Variants in MTCL2 observed in about 807,000 individuals in gnomAD.
The protein encoded by MTCL2 is microtubule cross-linking factor 2.
chr20:36,795,282 A>T, the MTCL2 span, among the ~76,000 whole-genome samples: 4 of 151,672 alleles, frequency 2.6e-5, no homozygotes, highest in African/African-American at 7.3e-5. Context: ...AGAGATGGGG[A>T]TCTCCCTATG....
chr20:36,819,232 G>A, the MTCL2 span, among the ~76,000 whole-genome samples: 1 of 152,150 alleles, frequency 6.6e-6, no homozygotes, highest in African/African-American at 2.4e-5. Context: ...TCCCAAGAGA[G>A]GAGGGGTGAT....
At chr20:36,783,463 C>T in the MTCL2 span, 1 of 152,266 alleles carries the variant, frequency 6.6e-6, no homozygotes, top group Non-Finnish European at 1.5e-5. Flanking sequence ...TTCCGCCAAC[C>T]AACTGATGCC....
At chr20:36,786,933 T>C in the MTCL2 span, among the ~76,000 whole-genome samples, 1 of 152,232 alleles carries the variant, frequency 6.6e-6, no homozygotes, top group Non-Finnish European at 1.5e-5. Flanking sequence ...CAGCTTATTT[T>C]GCAACTGTAA....
At chr20:36,818,346 G>T in the MTCL2 span, among the ~76,000 whole-genome samples, 1 of 152,242 alleles carries the variant, frequency 6.6e-6, no homozygotes, top group Admixed American at 6.5e-5. Context: ...GCCAAGACAG[G>T]AGGATTGCCT....
chr20:36,807,407 C>G, the MTCL2 span, among the ~76,000 whole-genome samples: 1 of 152,144 alleles, frequency 6.6e-6, no homozygotes, highest in Non-Finnish European at 1.5e-5. Flanking sequence ...AGAGGAGGGC[C>G]AAGCCTGGGC....
chr20:36,833,677 C>T, the MTCL2 span, among the ~76,000 whole-genome samples: 2 of 152,056 alleles, frequency 1.3e-5, no homozygotes, highest in Non-Finnish European at 2.9e-5. Flanking sequence ...AGGGAGACCC[C>T]CATCTCTATA....
chr20:36,854,627 A>G, the MTCL2 span, among the ~76,000 whole-genome samples: 1 of 152,010 alleles, frequency 6.6e-6, no homozygotes, highest in Admixed American at 6.6e-5. Flanking sequence ...AGGGTCAAGG[A>G]GAGGCGGGGA....
chr20:36,796,756 G>A, the MTCL2 span: 11 of 882,890 alleles, frequency 1.2e-5, no homozygotes, highest in Non-Finnish European at 1.8e-5. Context: ...CAGGAAGAGG[G>A]CAAAGGGGCG....
the MTCL2 span, among the ~76,000 whole-genome samples, chr20:36,837,883 A>G: frequency 6.6e-6 from 1 of 152,032 alleles, no homozygotes; most frequent in African/African-American, 2.4e-5. Flanking sequence ...AGCCCGCATT[A>G]TTTCATTTAA....
chr20:36,804,687 G>C, the MTCL2 span: 1 of 1,598,434 alleles, frequency 6.3e-7, no homozygotes, highest in Admixed American at 1.7e-5. Flanking sequence ...ACAGCTAAAG[G>C]CTTGGCTGAG....
chr20:36,855,548 T>C, the MTCL2 span, among the ~76,000 whole-genome samples: 2 of 152,194 alleles, frequency 1.3e-5, no homozygotes, highest in Non-Finnish European at 1.5e-5. Flanking sequence ...TGACCATGGA[T>C]GAGGTCATGC....
At chr20:36,823,864 C>T in the MTCL2 span, among the ~76,000 whole-genome samples, 1 of 152,170 alleles carries the variant, frequency 6.6e-6, no homozygotes, top group Admixed American at 6.6e-5. Context: ...TATATCATTT[C>T]CGCAAGGTTA....
the MTCL2 span, chr20:36,859,925 C>T: frequency 1.4e-4 from 169 of 1,230,792 alleles, no homozygotes; most frequent in Middle Eastern, 3.1e-4. Flanking sequence ...CGACCCTGCT[C>T]TGGGACCCAC....
chr20:36,794,792 C>T, the MTCL2 span: 2 of 694,890 alleles, frequency 2.9e-6, no homozygotes, highest in South Asian at 3.6e-5. The surrounding 1 kb of genome is among the most constrained non-coding windows in gnomAD (Gnocchi z 5.4). Flanking sequence ...TTCTCCCAAA[C>T]AGGTCTTGAT....
At chr20:36,797,621 G>A in the MTCL2 span, 9 of 1,515,702 alleles carry the variant, frequency 5.9e-6, no homozygotes, top group Non-Finnish European at 8.1e-6. Context: ...AAGCTGGTAT[G>A]CAGGACCCTG....
chr20:36,800,360 T>C, the MTCL2 span, among the ~76,000 whole-genome samples: 1 of 152,224 alleles, frequency 6.6e-6, no homozygotes, highest in Non-Finnish European at 1.5e-5. Flanking sequence ...TGCAAACAGA[T>C]GCATGCATCT....
the MTCL2 span, among the ~76,000 whole-genome samples, chr20:36,849,755 G>T: frequency 6.6e-6 from 1 of 152,188 alleles, no homozygotes; most frequent in South Asian, 2.1e-4. Flanking sequence ...GGACAGCGGG[G>T]GGAAGTTTAG....
At chr20:36,843,000 G>T in the MTCL2 span, among the ~76,000 whole-genome samples, 1 of 152,190 alleles carries the variant, frequency 6.6e-6, no homozygotes, top group South Asian at 2.1e-4. Context: ...AAGGGACTGG[G>T]AAGTGGGGTC....
At chr20:36,795,426 T>C in the MTCL2 span, among the ~76,000 whole-genome samples, 1 of 152,114 alleles carries the variant, frequency 6.6e-6, no homozygotes, top group African/African-American at 2.4e-5. Flanking sequence ...TAAAACTGCA[T>C]ACTCTGAACT....
Sources: gnomAD v4.1 joint callset for allele counts (sites outside exome capture counted in the v4.1 genomes callset) on GRCh38, gnomAD v4.1.1 for gene constraint, Gnocchi (gnomAD v3.1) non-coding constraint, MANE v1.5 for transcripts, NCBI Gene and HGNC (gene_info 2026-07-23, HGNC 2026-07-21) for gene names.